The following RNF19B variants were observed in gnomAD, a reference collection of about 807,000 sequenced individuals.
RNF19B encodes E3 ubiquitin-protein ligase RNF19B.
RNF19B carries 23 observed loss-of-function variants against 65.5 expected under a neutral mutation model. The observed-to-expected ratio is 0.35, with a 90% confidence interval of 0.25 to 0.50. The LOEUF (loss-of-function observed/expected upper bound fraction) is 0.50, where lower values mean the gene tolerates loss of function less well. Ranked by LOEUF, RNF19B falls within the 20% of genes least tolerant of loss-of-function variation. RNF19B has a pLI of 0.98. For synonymous variants in RNF19B, 372 were observed against 379.6 expected (o/e 0.98, Z 0.23); for missense variants, 794 against 980.0 (o/e 0.81, Z 2.53).
chr1:32,936,515 C>A lies in RNF19B; in HGVS notation c.*291G>T, dbSNP rs899309251. 2.8e-5 allele frequency: 8 copies of A among 281,092 alleles called. No individual in the cohort carries two copies. The highest frequency in any genetic ancestry group is 6.6e-5 in the African/African-American group (3 of 45,508). The allele number at this position is 281,092 out of a possible 1,614,324, so 17.4% of individuals were successfully genotyped here. ...TAATATGTTTAGCATTCAATATACA[C>A]ACATACATATGTACACTCTTTGACA... is the stretch of plus-strand genomic sequence containing the variant. On this transcript the variant is annotated 3_prime_UTR_variant, in exon 9 of 9. Coordinates refer to ENST00000235150, the MANE Select transcript of RNF19B (RefSeq NM_001300826.2).
intron 1 of RNF19B, among the ~76,000 whole-genome samples, chr1:32,956,785 T>C (rs1642648729): frequency 6.6e-6 from 1 of 152,158 alleles, no homozygotes; most frequent in African/African-American, 2.4e-5. Flanking sequence ...CCAATAGACT[T>C]CAGTGGTTAA....
chr1:32,935,633 T>C (rs114576002), downstream of RNF19B, among the ~76,000 whole-genome samples: 1,169 of 152,198 alleles, frequency 7.7e-3, 5 homozygotes, highest in Middle Eastern at 0.017. Flanking sequence ...GAACACGGAG[T>C]GGTATACCTG....
intron 2 of RNF19B, among the ~76,000 whole-genome samples, chr1:32,949,078 C>T (rs918434595): frequency 3.9e-5 from 6 of 152,208 alleles, no homozygotes; most frequent in East Asian, 1.9e-4. Flanking sequence ...TCCTCTGACT[C>T]GCCAAGGTTG....
At position 32,961,975 on chromosome 1, in the gene RNF19B, GTTTTT is replaced by G. The variant is rs543372858; in HGVS notation, c.635+2071_635+2075del. Among the ~76,000 whole-genome samples the G allele has an allele frequency of 2.1e-5, 3 of 145,640 alleles. No homozygotes were observed. In the Admixed American group the frequency reaches 2.1e-4, roughly 10 times the overall value. On this transcript the variant is annotated intron_variant, in intron 1 of 8. Coordinates refer to ENST00000235150, the MANE Select transcript of RNF19B (RefSeq NM_001300826.2). Reference sequence around the variant, plus strand: ...TCCAAAATTAACTATGCAGTGTTTTGTTTTTTTTTTTTCTTGAGACAGAATCTCGC... The same window carrying G: ...TCCAAAATTAACTATGCAGTGTTTTGTTTTTTTCTTGAGACAGAATCTCGC...
rs1244354849 is a variant in RNF19B at position 32,942,087 on chromosome 1, ACT to A, written c.1610+163_1610+164del. Among the ~76,000 whole-genome samples the A allele has an allele frequency of 2.6e-5, 4 of 152,230 alleles. No homozygotes were observed. In the South Asian group the frequency reaches 6.2e-4, roughly 24 times the overall value. ...ACTCCAGCCTGAGCCACAGAGTGAG[ACT>A]CTGTCTTTAAAAATAAAAAAGTAAA... is the stretch of plus-strand genomic sequence containing the variant. On this transcript the variant is annotated intron_variant, in intron 7 of 8. Transcript: ENST00000235150.
rs948334265 is a variant in RNF19B, at chr1:32,942,112, AAAAAC to A, written c.1610+135_1610+139del. On this transcript the variant is annotated intron_variant, in intron 7 of 8. Coordinates refer to ENST00000235150, the MANE Select transcript of RNF19B (RefSeq NM_001300826.2). ...ACTCTGTCTTTAAAAATAAAAAAGT[AAAAAC>A]AAAACAAAACAAAACCATTGACAAT... 1.3e-4 allele frequency: 98 copies of A among 782,216 alleles called. No homozygotes were observed. In the East Asian group the frequency reaches 1.3e-3, roughly 11 times the overall value. 48.5% of individuals were successfully genotyped at this position (782,216 alleles called of 1,614,324 possible). A position where few individuals can be genotyped will look rare whatever the true frequency, so the allele number is the denominator to read the frequency against.
chr1:32,942,922 C>T lies in RNF19B; in HGVS notation c.1403-463G>A, dbSNP rs951169712. On this transcript the variant is annotated intron_variant, in intron 6 of 8. Transcript: ENST00000235150. The stretch of plus-strand genomic sequence containing the variant: ...TTGGGAGGCCGAGGCGGGCGGATCA[C>T]GAGGTCAGGAGATGGAGACCATCCT... Among the ~76,000 whole-genome samples, 66 of 151,338 alleles carry T rather than the reference C, an allele frequency of 4.4e-4. 1 individual carries two copies. Among genetic ancestry groups the T allele is most frequent in the East Asian group, 2.0e-4 (1 of 5,056 alleles).
rs1339471643 is a variant in RNF19B, at chr1:32,937,028, C to G, written c.1974G>C (p.Gln658His). ...ASKPWDISLAQPESIRSDLES... is the reference protein window; with the variant it reads ...ASKPWDISLAHPESIRSDLES... ...CTAGGTCACTGCGGATGCTTTCAGG[C>G]TGGGCCAGGCTGATGTCCCAAGGTT... Residue 658 changes from glutamine (Q) to histidine (H), a missense_variant, in exon 9 of 9, where the codon CAG becomes CAC. By Grantham distance (24) the Gln-to-His change is conservative. This residue lies in a region of RNF19B where 368 missense variants were observed against 447.3 expected (regional missense o/e 0.82). Coordinates refer to ENST00000235150, the MANE Select transcript of RNF19B (RefSeq NM_001300826.2). The G allele has an allele frequency of 2.5e-6, 4 of 1,614,088 alleles. No individual in the cohort carries two copies. In the Admixed American group the frequency reaches 6.7e-5, roughly 27 times the overall value.
intron 1 of RNF19B, among the ~76,000 whole-genome samples, chr1:32,954,132 AAC>A (rs1224782675): frequency 2.0e-5 from 3 of 150,534 alleles, no homozygotes; most frequent in African/African-American, 7.3e-5. Flanking sequence ...GCTGGTCTCG[AAC>A]TCCTGGCCTT....
intron 1 of RNF19B, among the ~76,000 whole-genome samples, chr1:32,959,845 A>G (rs194657): frequency 0.35 from 52,093 of 148,242 alleles, 9,316 homozygotes; most frequent in Admixed American, 0.43. Context: ...AGACCATCCT[A>G]GCTAACACGG....
At chr1:32,932,024 A>G (rs761106048), downstream of RNF19B, among the ~76,000 whole-genome samples, 10 of 152,212 alleles carry the variant, frequency 6.6e-5, no homozygotes, top group African/African-American at 2.2e-4. Flanking sequence ...ACCAAATACT[A>G]TATTAGCCAG....
In RNF19B at chr1:32,949,958, G is replaced by A. The variant is rs564643392; in HGVS notation, c.636-184C>T. 2.2e-4 allele frequency among the ~76,000 whole-genome samples: 34 copies of A among 151,366 alleles called. No homozygotes were observed. In the South Asian group the frequency reaches 7.1e-3, roughly 32 times the overall value. On this transcript the variant is annotated intron_variant, in intron 1 of 8. Transcript: ENST00000235150. The stretch of plus-strand genomic sequence containing the variant: ...TGACCAACTGTAAAATATATCCCAT[G>A]TGAGAAAGTAAACTTTTTTTTTTTG...
At chr1:32,960,751 C>T (rs1458796815) in intron 1 of RNF19B, among the ~76,000 whole-genome samples, 3 of 152,194 alleles carry the variant, frequency 2.0e-5, no homozygotes, top group African/African-American at 4.8e-5. Context: ...AATCCCAGCA[C>T]TTTGGGAGGC....
intron 1 of RNF19B, 67 bp from the exon 2 acceptor site, chr1:32,949,841 A>T (rs1642450227): frequency 1.5e-5 from 19 of 1,275,480 alleles, no homozygotes; most frequent in Non-Finnish European, 2.1e-5. Context: ...GACATTATTC[A>T]TCAGAGTTAA....
intron 7 of RNF19B, among the ~76,000 whole-genome samples, chr1:32,940,119 A>G (rs765050430): frequency 1.3e-5 from 2 of 152,212 alleles, no homozygotes; most frequent in Non-Finnish European, 2.9e-5. Context: ...AATGCAATGG[A>G]AAGTGCACAG....
chr1:32,956,099 C>T (rs1270291204), intron 1 of RNF19B, among the ~76,000 whole-genome samples: 1 of 151,898 alleles, frequency 6.6e-6, no homozygotes, highest in Non-Finnish European at 1.5e-5. Flanking sequence ...GGCATGGTGG[C>T]TCATGCCTGT....
intron 8 of RNF19B, 77 bp downstream of exon 8, chr1:32,938,320 T>G (rs748308497): frequency 1.5e-4 from 227 of 1,467,734 alleles, no homozygotes; most frequent in Non-Finnish European, 2.0e-4. Flanking sequence ...AGCCCTAACA[T>G]GAGGCATTGA....
At chr1:32,961,995 CAG>C (rs1642781320) in intron 1 of RNF19B, among the ~76,000 whole-genome samples, 1 of 150,280 alleles carries the variant, frequency 6.7e-6, no homozygotes, top group Non-Finnish European at 1.5e-5. Flanking sequence ...TTTCTTGAGA[CAG>C]AATCTCGCTC....
At chr1:32,938,340 G>C in intron 8 of RNF19B, 57 bp downstream of exon 8, 1 of 1,599,024 alleles carries the variant, frequency 6.3e-7, no homozygotes, top group Non-Finnish European at 8.6e-7. Context: ...AACTTCTGAA[G>C]ACCTAGTACC....
Sources: gnomAD v4.1 joint callset for allele counts (sites outside exome capture counted in the v4.1 genomes callset) on GRCh38, gnomAD v4.1.1 for gene constraint, gnomAD v4.1.1 regional missense constraint, MANE v1.5 for transcripts, NCBI Gene and HGNC (gene_info 2026-07-23, HGNC 2026-07-21) for gene names.